Variants in HECW2 observed in about 807,000 individuals in gnomAD.
The protein encoded by HECW2 is HECT, C2 and WW domain containing E3 ubiquitin protein ligase 2.
In HECW2, 61 loss-of-function variants were observed where a neutral mutation model predicts 175.2. The ratio of observed to expected loss-of-function variants is 0.35; its 90% CI spans 0.28 to 0.43. The LOEUF is 0.43. HECW2 is among the 20% of genes least tolerant of loss of function. HECW2 has a pLI of 1.00. For synonymous variants in HECW2, 671 were observed against 731.0 expected (o/e 0.92, Z 1.32); for missense variants, 1,524 against 2,000.5 (o/e 0.76, Z 4.54).
At chr2:196,583,476 G>A (rs1194928236) in intron 1 of HECW2, among the ~76,000 whole-genome samples, 1 of 152,198 alleles carries the variant, frequency 6.6e-6, no homozygotes, top group Non-Finnish European at 1.5e-5. Flanking sequence ...AATTCAATAA[G>A]TCTGGTGTGG....
At chr2:196,570,752 A>G (rs1319228777) in intron 1 of HECW2, among the ~76,000 whole-genome samples, 1 of 152,230 alleles carries the variant, frequency 6.6e-6, no homozygotes, top group African/African-American at 2.4e-5. Flanking sequence ...AAAAGATTTC[A>G]CATACAAATT....
chr2:196,236,342 T>C (rs1274959141), intron 21 of HECW2, among the ~76,000 whole-genome samples: 1 of 152,246 alleles, frequency 6.6e-6, no homozygotes, highest in East Asian at 1.9e-4. Context: ...TATTTTCTTT[T>C]AATAAATGTT....
At chr2:196,297,422 G>T (rs1223044344) in intron 13 of HECW2, among the ~76,000 whole-genome samples, 2 of 152,218 alleles carry the variant, frequency 1.3e-5, no homozygotes, top group East Asian at 3.8e-4. Context: ...GTTTGAGGTT[G>T]TAGAAGTAAA....
At chr2:196,350,840 T>C (rs796854437) in intron 2 of HECW2, among the ~76,000 whole-genome samples, 22 of 152,366 alleles carry the variant, frequency 1.4e-4, no homozygotes, top group African/African-American at 5.3e-4. Context: ...GAATGATTAG[T>C]CATCCTGGTG....
intron 1 of HECW2, among the ~76,000 whole-genome samples, chr2:196,582,616 T>C (rs1284390402): frequency 6.6e-6 from 1 of 152,158 alleles, no homozygotes; most frequent in African/African-American, 2.4e-5. Context: ...TTGGTAGAGA[T>C]CCATAACACC....
intron 13 of HECW2, among the ~76,000 whole-genome samples, chr2:196,304,681 C>CAGTG (rs1691194898): frequency 1.3e-5 from 2 of 152,260 alleles, no homozygotes; most frequent in South Asian, 4.1e-4. Context: ...TTCTGTGTTA[C>CAGTG]AGTGACAACT....
chr2:196,504,796 A>G (rs1687697353), intron 1 of HECW2, among the ~76,000 whole-genome samples: 1 of 152,212 alleles, frequency 6.6e-6, no homozygotes, highest in Admixed American at 6.5e-5. Context: ...CATGTCTGCC[A>G]GTCTCTGGAA....
chr2:196,203,909 T>C (rs1398689532), intron 28 of HECW2, among the ~76,000 whole-genome samples: 1 of 152,180 alleles, frequency 6.6e-6, no homozygotes, highest in African/African-American at 2.4e-5. Flanking sequence ...CATTCTACTT[T>C]GTGTCTCTAT....
rs775308866 is a variant in HECW2, at chr2:196,306,594, A to G, written c.2708T>C (p.Ile903Thr). The change falls in exon 13 of 29, where the codon ATC (isoleucine) becomes ACC (threonine). Residue 903 changes from isoleucine to threonine, a missense_variant. By Grantham distance (89) the Ile-to-Thr change is moderately conservative (BLOSUM62 -1). Coordinates refer to ENST00000644978, the MANE Select transcript of HECW2 (RefSeq NM_001348768.2). ...QASADFRREN[I>T]LPHSTSRSRI... Reference sequence around the variant, plus strand: ...GGATCTGGAGGTAGAGTGAGGCAGGATGTTCTCCCGTCGGAAATCTAGATG... The same window carrying G: ...GGATCTGGAGGTAGAGTGAGGCAGGGTGTTCTCCCGTCGGAAATCTAGATG... 1.9e-6 allele frequency: 3 copies of G among 1,612,630 alleles called. No individual in the cohort carries two copies. The Admixed American group carries it at 5.0e-5, about 27-fold the overall frequency.
intron 1 of HECW2, among the ~76,000 whole-genome samples, chr2:196,450,748 TG>T (rs1696323642): frequency 6.6e-6 from 1 of 152,128 alleles, no homozygotes; most frequent in Non-Finnish European, 1.5e-5. Flanking sequence ...CCCAAACTGC[TG>T]GGATTACAGA....
At chr2:196,456,170 T>C (rs377281766) in intron 1 of HECW2, among the ~76,000 whole-genome samples, 50 of 152,164 alleles carry the variant, frequency 3.3e-4, no homozygotes, top group African/African-American at 1.1e-3. Flanking sequence ...TAAGCTCTTC[T>C]TTAAGTTAAA....
chr2:196,586,812 C>T (rs370103064), intron 1 of HECW2: 1 of 152,012 alleles, frequency 6.6e-6, no homozygotes, highest in Admixed American at 6.5e-5. Flanking sequence ...AAAGCATCAC[C>T]GAGCACTCAT....
chr2:196,243,661 CCT>C (rs1319321499), intron 19 of HECW2, among the ~76,000 whole-genome samples: 1 of 151,412 alleles, frequency 6.6e-6, no homozygotes, highest in Non-Finnish European at 1.5e-5. Context: ...GCTAACCCAA[CCT>C]CTGTCTCCTG....
chr2:196,569,421 A>G (rs969038789), intron 1 of HECW2, among the ~76,000 whole-genome samples: 25 of 152,102 alleles, frequency 1.6e-4, no homozygotes, highest in Admixed American at 1.5e-3. Context: ...CTTCTCCTTA[A>G]TAAATAAATA....
chr2:196,230,114 T>C (rs904775107), intron 21 of HECW2, among the ~76,000 whole-genome samples: 5 of 152,144 alleles, frequency 3.3e-5, no homozygotes, highest in African/African-American at 7.2e-5. Flanking sequence ...CAGCTGAATA[T>C]AACATGCTAA....
intron 10 of HECW2, among the ~76,000 whole-genome samples, chr2:196,314,175 C>A (rs1375874372): frequency 6.6e-6 from 1 of 152,234 alleles, no homozygotes; most frequent in Non-Finnish European, 1.5e-5. Context: ...TTGGCTCAAA[C>A]CCCTGCAGCC....
At chr2:196,460,900 C>T (rs2125326731) in intron 1 of HECW2, among the ~76,000 whole-genome samples, 1 of 147,962 alleles carries the variant, frequency 6.8e-6, no homozygotes, top group Middle Eastern at 3.5e-3. Flanking sequence ...ACTAGGATTA[C>T]AGGTGTGAGC....
intron 14 of HECW2, chr2:196,291,812 G>A (rs1287277534): frequency 6.6e-6 from 1 of 152,172 alleles, no homozygotes; most frequent in Admixed American, 6.5e-5. Context: ...GTTGTGGTGA[G>A]GACCTTAAGA....
intron 28 of HECW2, among the ~76,000 whole-genome samples, chr2:196,215,536 A>G (rs1203939126): frequency 6.6e-6 from 1 of 152,246 alleles, no homozygotes; most frequent in Non-Finnish European, 1.5e-5. Context: ...AAATAGTTAT[A>G]AAGTTAAAAC....
Sources: allele counts gnomAD v4.1 joint callset (sites outside exome capture counted in the v4.1 genomes callset), GRCh38; gene constraint gnomAD v4.1.1; transcripts MANE v1.5; gene names NCBI Gene and HGNC (gene_info 2026-07-23, HGNC 2026-07-21).